Variants in EPHA3 observed in about 807,000 individuals in gnomAD.
EPHA3 encodes EPH receptor A3.
In EPHA3, 42 loss-of-function variants were observed where a neutral mutation model predicts 107.1. That is an observed-to-expected ratio of 0.39 (90% CI 0.31 to 0.51). The LOEUF is 0.51. Among genes scored for constraint, EPHA3 ranks in the 20% least tolerant of loss-of-function variants. The pLI is 0.78. For synonymous variants in EPHA3, 461 were observed against 424.8 expected, an observed-to-expected ratio of 1.09 and a Z score of -1.05; for missense variants, 1,183 against 1,211.2, an observed-to-expected ratio of 0.98 and a Z score of 0.35.
intron 2 of EPHA3, among the ~76,000 whole-genome samples, chr3:89,159,273 T>C (rs1704869525): frequency 1.3e-5 from 2 of 152,258 alleles, no homozygotes; most frequent in African/African-American, 4.8e-5. Flanking sequence ...GTTTTATGAA[T>C]CAGAGCTCTT....
At chr3:89,400,626 T>A (rs1201096633) in intron 7 of EPHA3, among the ~76,000 whole-genome samples, 1 of 144,352 alleles carries the variant, frequency 6.9e-6, no homozygotes, top group Admixed American at 6.9e-5. Context: ...TATGTGTGTG[T>A]GTGTGTGAGC....
At chr3:89,174,480 T>A (rs746696135) in intron 2 of EPHA3, among the ~76,000 whole-genome samples, 2 of 152,014 alleles carry the variant, frequency 1.3e-5, no homozygotes, top group Non-Finnish European at 2.9e-5. Context: ...TTTTAATCCA[T>A]TTCTAAGCAG....
At chr3:89,217,052 G>A (rs756020820) in intron 3 of EPHA3, among the ~76,000 whole-genome samples, 14 of 151,834 alleles carry the variant, frequency 9.2e-5, no homozygotes, top group Non-Finnish European at 1.3e-4. Context: ...TTTTTCCTGT[G>A]ATTTCTCCAC....
At chr3:89,437,863 TG>T (rs945414146) in intron 13 of EPHA3, among the ~76,000 whole-genome samples, 1 of 152,190 alleles carries the variant, frequency 6.6e-6, no homozygotes, top group African/African-American at 2.4e-5. Flanking sequence ...CCACATAAAC[TG>T]AGTTGGAAAG....
chr3:89,337,750 T>C (rs1707427289), intron 3 of EPHA3, among the ~76,000 whole-genome samples: 1 of 152,214 alleles, frequency 6.6e-6, no homozygotes, highest in Non-Finnish European at 1.5e-5. Context: ...GCTATTATTC[T>C]ATTTAATTAG....
intron 2 of EPHA3, among the ~76,000 whole-genome samples, chr3:89,197,472 A>G (rs6795664): frequency 0.77 from 116,665 of 151,384 alleles, 45,311 homozygotes; most frequent in Middle Eastern, 0.88. Context: ...TTTTATTAAA[A>G]TATAGAATAT....
intron 1 of EPHA3, among the ~76,000 whole-genome samples, chr3:89,113,333 G>C (rs1707159489): frequency 1.3e-5 from 2 of 151,818 alleles, no homozygotes; most frequent in South Asian, 4.2e-4. Context: ...TGTGTTCGGG[G>C]TGTGGATACA....
At position 89,230,243 on chromosome 3, in the gene EPHA3, T is replaced by C. The variant is rs146723207; in HGVS notation, c.814+19723T>C. ...AAGGTTTCAAGAAGTGGGTAATACTTAAGGTAAAATTTTTCTGGGTGAAAA... is the reference window on the plus strand; with the variant it reads ...AAGGTTTCAAGAAGTGGGTAATACTCAAGGTAAAATTTTTCTGGGTGAAAA... On this transcript the variant is annotated intron_variant, in intron 3 of 16. Transcript: ENST00000336596. Among the ~76,000 whole-genome samples, 430 of 152,138 alleles carry C rather than the reference T, an allele frequency of 2.8e-3. 1 individual carries two copies. The highest frequency in any genetic ancestry group is 9.7e-3 in the African/African-American group (402 of 41,524).
At chr3:89,114,770 C>T (rs573484280) in intron 1 of EPHA3, among the ~76,000 whole-genome samples, 84 of 152,310 alleles carry the variant, frequency 5.5e-4, no homozygotes, top group African/African-American at 1.9e-3. Context: ...GGCAAACGTG[C>T]GCCCTCTGCC....
At chr3:89,117,865 G>A (rs937007060) in intron 1 of EPHA3, among the ~76,000 whole-genome samples, 5 of 151,964 alleles carry the variant, frequency 3.3e-5, no homozygotes, top group Admixed American at 6.5e-5. Flanking sequence ...TACAAACTGA[G>A]ATTTCTTTCC....
chr3:89,480,299 A>C lies in EPHA3; in HGVS notation c.*797A>C, dbSNP rs1025480563. 3.9e-5 allele frequency: 9 copies of C among 232,982 alleles called. No individual in the cohort carries two copies. Among genetic ancestry groups the C allele is most frequent in the African/African-American group, 2.0e-4 (9 of 45,348 alleles). 14.4% of individuals were successfully genotyped at this position (232,982 alleles called of 1,614,324 possible). On this transcript the variant is annotated 3_prime_UTR_variant, in exon 17 of 17. Transcript: ENST00000336596. ...TTCAGATTTTTTGAACCATCCACTT[A>C]CATATATTTTTAAAAAATGAAATCC...
intron 3 of EPHA3, among the ~76,000 whole-genome samples, chr3:89,229,208 G>C (rs1704570541): frequency 1.3e-5 from 2 of 151,898 alleles, no homozygotes; most frequent in Admixed American, 6.6e-5. Flanking sequence ...TCAGTTCTTG[G>C]CTCTGATTCA....
intron 2 of EPHA3, among the ~76,000 whole-genome samples, chr3:89,204,284 A>AAACTT: frequency 6.6e-6 from 1 of 152,244 alleles, no homozygotes; most frequent in Middle Eastern, 3.4e-3. Flanking sequence ...TTAGGGGCTA[A>AAACTT]AGGTGGTTGG....
At chr3:89,415,345 AT>A (rs559806860) in intron 10 of EPHA3, among the ~76,000 whole-genome samples, 88 of 150,458 alleles carry the variant, frequency 5.8e-4, no homozygotes, top group South Asian at 6.2e-4. Context: ...CTTAAAAAAA[AT>A]ATGTTATTTA....
chr3:89,384,277 G>T (rs1368490460), intron 5 of EPHA3, among the ~76,000 whole-genome samples: 2 of 152,010 alleles, frequency 1.3e-5, no homozygotes, highest in African/African-American at 4.8e-5. Flanking sequence ...AAGCAATCCT[G>T]CATTGGTTGG....
chr3:89,192,079 T>A (rs1380745339), intron 2 of EPHA3, among the ~76,000 whole-genome samples: 6 of 152,178 alleles, frequency 3.9e-5, no homozygotes, highest in Non-Finnish European at 8.8e-5. Flanking sequence ...TATTATTTAT[T>A]TTTAACTTGT....
chr3:89,139,332 T>C (rs547854306), intron 2 of EPHA3, among the ~76,000 whole-genome samples: 5 of 151,976 alleles, frequency 3.3e-5, no homozygotes, highest in African/African-American at 1.2e-4. Context: ...AGGATTTAAA[T>C]CTTGTGGGTG....
intron 12 of EPHA3, among the ~76,000 whole-genome samples, chr3:89,430,355 G>A (rs115198457): frequency 1.3e-3 from 200 of 152,062 alleles, no homozygotes; most frequent in African/African-American, 4.6e-3. Flanking sequence ...GAAAGGATAT[G>A]CTTTATATTA....
chr3:89,110,874 T>C (rs1262286915), intron 1 of EPHA3, among the ~76,000 whole-genome samples: 4 of 152,006 alleles, frequency 2.6e-5, no homozygotes, highest in Non-Finnish European at 5.9e-5. Flanking sequence ...AAATACTTTC[T>C]TTAAACACTT....
Sources: allele counts gnomAD v4.1 joint callset (sites outside exome capture counted in the v4.1 genomes callset), GRCh38; gene constraint gnomAD v4.1.1; transcripts MANE v1.5; gene names NCBI Gene and HGNC (gene_info 2026-07-23, HGNC 2026-07-21).